NOL4L: variants seen among roughly 807,000 people sequenced by gnomAD.
The protein encoded by NOL4L is nucleolar protein 4 like, also known as nucleolar protein 4-like.
In NOL4L, 7 loss-of-function variants were observed where a neutral mutation model predicts 64.5. The ratio of observed to expected loss-of-function variants is 0.11; its 90% CI spans 0.06 to 0.20. The LOEUF is 0.20. Among genes scored for constraint, NOL4L ranks in the 10% least tolerant of loss-of-function variants. The pLI is 1.00. For missense variants in NOL4L, 680 were observed against 967.1 expected (o/e 0.70, Z 3.94); for synonymous variants, 413 against 401.0 (o/e 1.03, Z -0.36).
At chr20:32,457,836 C>T (rs534917371) in intron 5 of NOL4L, among the ~76,000 whole-genome samples, 2 of 152,222 alleles carry the variant, frequency 1.3e-5, no homozygotes, top group East Asian at 3.9e-4. Context: ...GGAGTCCCGG[C>T]CCGCGCTGGC....
At chr20:32,469,045 T>C (rs1232037026) in intron 5 of NOL4L, among the ~76,000 whole-genome samples, 1 of 152,138 alleles carries the variant, frequency 6.6e-6, no homozygotes, top group African/African-American at 2.4e-5. Flanking sequence ...AGACGATGTT[T>C]CCTGCCCTGT....
At chr20:32,528,535 C>A (rs748058530) in intron 1 of NOL4L, among the ~76,000 whole-genome samples, 5 of 152,244 alleles carry the variant, frequency 3.3e-5, no homozygotes, top group African/African-American at 7.2e-5. Context: ...GCCGTGTGAA[C>A]GGGGCGGCCG....
In NOL4L at chr20:32,443,957, T is replaced by G. The variant is rs947578894; in HGVS notation, c.*3639A>C. On this transcript the variant is annotated 3_prime_UTR_variant, in exon 11 of 11. Transcript: ENST00000621426. Reference sequence around the variant, plus strand: ...CAGGTGGAAAGTGTTTTTCAGCCAATCTGAGTTCTACGTGGTATAGGTTTT... The same window carrying G: ...CAGGTGGAAAGTGTTTTTCAGCCAAGCTGAGTTCTACGTGGTATAGGTTTT... 6.6e-6 allele frequency: 1 copy of G among 152,232 alleles called. No individual in the cohort carries two copies. The highest frequency in any genetic ancestry group is 1.5e-5 in the Non-Finnish European group (1 of 68,036). 9.4% of individuals were successfully genotyped at this position (152,232 alleles called of 1,614,324 possible).
At chr20:32,520,657 C>T (rs1225499570) in intron 3 of NOL4L, among the ~76,000 whole-genome samples, 154 bp downstream of exon 3, 6 of 152,166 alleles carry the variant, frequency 3.9e-5, no homozygotes. Context: ...CAAAACAAGG[C>T]GCTTTGGGCA....
chr20:32,459,667 G>A (rs899229144), intron 5 of NOL4L, among the ~76,000 whole-genome samples: 33 of 152,140 alleles, frequency 2.2e-4, no homozygotes, highest in Admixed American at 1.6e-3. Flanking sequence ...TTACAGGCAT[G>A]GGCCACCGTG....
intron 1 of NOL4L, among the ~76,000 whole-genome samples, chr20:32,557,053 T>G (rs1250451170): frequency 6.6e-6 from 1 of 152,240 alleles, no homozygotes; most frequent in Non-Finnish European, 1.5e-5. Context: ...AGGACTTTTC[T>G]GCAGCTGTTA....
intron 4 of NOL4L, chr20:32,483,535 G>C (rs1199493613): frequency 1.0e-6 from 1 of 978,768 alleles, no homozygotes; most frequent in Non-Finnish European, 1.2e-6. Flanking sequence ...GGCGGGGGTG[G>C]CCAGGAGGAG....
At chr20:32,468,985 G>A (rs1390470555) in intron 5 of NOL4L, among the ~76,000 whole-genome samples, 1 of 152,024 alleles carries the variant, frequency 6.6e-6, no homozygotes, top group Non-Finnish European at 1.5e-5. Flanking sequence ...CAAAACGCTG[G>A]CTCTGGAGAG....
At chr20:32,553,138 C>T (rs966249892) in intron 1 of NOL4L, among the ~76,000 whole-genome samples, 9 of 152,266 alleles carry the variant, frequency 5.9e-5, no homozygotes, top group Admixed American at 2.0e-4. Flanking sequence ...TCCTGTGGCG[C>T]GCCCTTCAAA....
intron 4 of NOL4L, chr20:32,475,390 G>T (rs1174924430): frequency 2.1e-6 from 2 of 974,748 alleles, no homozygotes; most frequent in Non-Finnish European, 2.4e-6. Context: ...CCAGGGTTCG[G>T]ACCAGACCGC....
intron 1 of NOL4L, among the ~76,000 whole-genome samples, chr20:32,539,447 C>A (rs888038294): frequency 6.6e-5 from 10 of 152,160 alleles, no homozygotes; most frequent in Non-Finnish European, 1.5e-5. Context: ...CTGAGTCTCA[C>A]TCCCCTCATT....
chr20:32,533,715 C>T (rs1268052829), intron 1 of NOL4L, among the ~76,000 whole-genome samples: 2 of 152,202 alleles, frequency 1.3e-5, no homozygotes, highest in East Asian at 3.8e-4. Flanking sequence ...ATTTTTAAGT[C>T]CTCCCTGGCA....
chr20:32,488,762 CCT>C (rs2016219152), intron 4 of NOL4L, among the ~76,000 whole-genome samples: 1 of 54,326 alleles, frequency 1.8e-5, no homozygotes, highest in African/African-American at 1.4e-4. Context: ...TTCCTTCCTT[CCT>C]TCCTTCCTTC....
At chr20:32,496,293 A>T (rs1480142641) in intron 4 of NOL4L, among the ~76,000 whole-genome samples, 1 of 152,120 alleles carries the variant, frequency 6.6e-6, no homozygotes, top group Non-Finnish European at 1.5e-5. Context: ...CTTGGCTCGG[A>T]TGCTGCCTCT....
intron 1 of NOL4L, among the ~76,000 whole-genome samples, chr20:32,542,039 C>T (rs767268469): frequency 2.0e-5 from 3 of 152,044 alleles, no homozygotes; most frequent in East Asian, 1.9e-4. Context: ...TCTGGACAGG[C>T]GGGTGGTGGG....
chr20:32,543,888 T>C (rs1403841550), intron 1 of NOL4L, among the ~76,000 whole-genome samples: 2 of 151,734 alleles, frequency 1.3e-5, no homozygotes, highest in Admixed American at 6.6e-5. Context: ...TTTGTGCCTG[T>C]GAAAAGGGTG....
At chr20:32,493,245 A>C (rs1398379436) in intron 4 of NOL4L, among the ~76,000 whole-genome samples, 2 of 152,186 alleles carry the variant, frequency 1.3e-5, no homozygotes, top group East Asian at 3.8e-4. Context: ...GGTCCAAGGA[A>C]GCCATGCAGG....
At position 32,504,452 on chromosome 20, in the gene NOL4L, C is replaced by T. The variant is rs543816936; in HGVS notation, c.699+6895G>A. ...GCGGGCGCCTGTAGTCCCAGCTACTCGGGAGGCTGAGGCAGGAGAATGGTG... is the reference window on the plus strand; with the variant it reads ...GCGGGCGCCTGTAGTCCCAGCTACTTGGGAGGCTGAGGCAGGAGAATGGTG... On this transcript the variant is annotated intron_variant, in intron 4 of 10. Coordinates refer to ENST00000621426, the MANE Select transcript of NOL4L (RefSeq NM_001256798.2). 1.9e-3 allele frequency among the ~76,000 whole-genome samples: 281 copies of T among 150,934 alleles called. 1 individual carries two copies. The highest frequency in any genetic ancestry group is 6.7e-3 in the African/African-American group (274 of 41,126).
At position 32,584,929 on chromosome 20, in the gene NOL4L, C is replaced by A; in HGVS notation, c.-39G>T. 9.0e-7 allele frequency: 1 copy of A among 1,114,744 alleles called. No individual in the cohort carries two copies. The allele number at this position is 1,114,744 out of a possible 1,614,324, so 69.1% of individuals were successfully genotyped here. A position where few individuals can be genotyped will look rare whatever the true frequency, so the allele number is the denominator to read the frequency against. The stretch of plus-strand genomic sequence containing the variant: ...CCGGCGCCCTCGGGGGCGGGCCGGC[C>A]GCCGGGCCGCCCGGTGCCGGGACTG... On this transcript the variant is annotated 5_prime_UTR_variant, in exon 1 of 11. Transcript: ENST00000621426.
Sources: gnomAD v4.1 joint callset for allele counts (sites outside exome capture counted in the v4.1 genomes callset) on GRCh38, gnomAD v4.1.1 for gene constraint, MANE v1.5 for transcripts, NCBI Gene and HGNC (gene_info 2026-07-23, HGNC 2026-07-21) for gene names.